Variants in MAML3 observed in about 807,000 individuals in gnomAD.
MAML3 encodes mastermind-like protein 3.
In MAML3, 27 loss-of-function variants were observed where a neutral mutation model predicts 101.9. The ratio of observed to expected loss-of-function variants is 0.27; its 90% confidence interval spans 0.20 to 0.37. The LOEUF (loss-of-function observed/expected upper bound fraction) is 0.37, where lower values mean the gene tolerates loss of function less well. Ranked by LOEUF, MAML3 falls within the 10% of genes least tolerant of loss-of-function variation. The pLI is 1.00. For missense variants in MAML3, 1,316 were observed against 1,444.9 expected (o/e 0.91, Z 1.45); for synonymous variants, 501 against 555.9 (o/e 0.90, Z 1.39).
chr4:140,124,556 C>T (rs2111030326), intron 1 of MAML3, among the ~76,000 whole-genome samples: 1 of 152,220 alleles, frequency 6.6e-6, no homozygotes, highest in East Asian at 1.9e-4. Context: ...ACAAGTTACC[C>T]CCAAAAGCAC....
At chr4:139,987,817 C>T (rs780072553) in intron 1 of MAML3, among the ~76,000 whole-genome samples, 1 of 151,746 alleles carries the variant, frequency 6.6e-6, no homozygotes, top group Non-Finnish European at 1.5e-5. Flanking sequence ...GTCAGGAGTT[C>T]GAGACCAGCC....
intron 1 of MAML3, among the ~76,000 whole-genome samples, chr4:140,019,834 T>A (rs931661016): frequency 6.6e-6 from 1 of 152,212 alleles, no homozygotes; most frequent in African/African-American, 2.4e-5. Flanking sequence ...GTGCCTTTAA[T>A]ACAATATTTA....
At chr4:140,129,041 C>T (rs1416635521) in intron 1 of MAML3, among the ~76,000 whole-genome samples, 2 of 152,006 alleles carry the variant, frequency 1.3e-5, no homozygotes, top group Non-Finnish European at 2.9e-5. Context: ...GGTTTGAATC[C>T]CTGTTCCACC....
chr4:140,027,197 A>G (rs572668146), intron 1 of MAML3, among the ~76,000 whole-genome samples: 1 of 152,308 alleles, frequency 6.6e-6, no homozygotes, highest in Non-Finnish European at 1.5e-5. Context: ...TTGGTAGCCC[A>G]TGGCATTATC....
intron 1 of MAML3, among the ~76,000 whole-genome samples, chr4:139,926,134 T>G (rs1000349233): frequency 4.6e-5 from 7 of 152,156 alleles, no homozygotes; most frequent in Non-Finnish European, 8.8e-5. Context: ...TCTGTTTATT[T>G]GACCTGAAGG....
At chr4:139,894,928 G>A (rs1374255294) in intron 1 of MAML3, among the ~76,000 whole-genome samples, 1 of 152,204 alleles carries the variant, frequency 6.6e-6, no homozygotes, top group Non-Finnish European at 1.5e-5. Context: ...GCACCTCCTG[G>A]AGTGATGTTA....
intron 1 of MAML3, among the ~76,000 whole-genome samples, chr4:140,117,805 T>A (rs1728540196): frequency 6.6e-6 from 1 of 151,952 alleles, no homozygotes. Context: ...TTAATAAAAT[T>A]ACAAAAACAT....
intron 1 of MAML3, among the ~76,000 whole-genome samples, chr4:140,082,641 G>A (rs1205717279): frequency 1.3e-5 from 2 of 152,132 alleles, no homozygotes; most frequent in Non-Finnish European, 2.9e-5. Flanking sequence ...ATTGCTGTCA[G>A]GAAGTAAAAG....
intron 2 of MAML3, among the ~76,000 whole-genome samples, chr4:139,818,081 G>C (rs1018893475): frequency 1.6e-4 from 25 of 152,194 alleles, no homozygotes; most frequent in African/African-American, 5.3e-4. Flanking sequence ...GTAGGCCTGA[G>C]GTGGGACCTG....
chr4:140,025,679 C>A (rs1217463914), intron 1 of MAML3, among the ~76,000 whole-genome samples: 1 of 152,132 alleles, frequency 6.6e-6, no homozygotes, highest in South Asian at 2.1e-4. Flanking sequence ...AGCCACGGTG[C>A]CAACATTGTT....
intron 1 of MAML3, among the ~76,000 whole-genome samples, chr4:139,926,069 A>T (rs991076893): frequency 6.6e-6 from 1 of 152,208 alleles, no homozygotes; most frequent in Non-Finnish European, 1.5e-5. Context: ...GAGGATTCAG[A>T]CAGAGCTGTA....
At position 140,026,076 on chromosome 4, in the gene MAML3, A is replaced by G. The variant is rs1726818405; in HGVS notation, c.468+126784T>C. On this transcript the variant is annotated intron_variant, in intron 1 of 4. Transcript: ENST00000509479. ...TGCTTAACATACGTCAATCTTCAAG[A>G]CAACTAATATCCCTTAATGATTAGG... is the stretch of plus-strand genomic sequence containing the variant. 1.3e-5 allele frequency among the ~76,000 whole-genome samples: 2 copies of G among 152,156 alleles called. 1 individual carries two copies. Among genetic ancestry groups the G allele is most frequent in the South Asian group, 4.1e-4 (2 of 4,820 alleles).
chr4:140,093,838 G>A (rs967116644), intron 1 of MAML3, among the ~76,000 whole-genome samples: 3 of 152,154 alleles, frequency 2.0e-5, no homozygotes, highest in Non-Finnish European at 4.4e-5. Flanking sequence ...TCCCATGATT[G>A]TAGAGGCAGC....
chr4:140,000,673 G>T (rs1454828565), intron 1 of MAML3, among the ~76,000 whole-genome samples: 3 of 152,144 alleles, frequency 2.0e-5, no homozygotes, highest in African/African-American at 7.2e-5. Context: ...ACGGGACAAA[G>T]ATTGGCTCAA....
Position 139,890,704 on chromosome 4 carries a change from A to T in MAML3, c.732T>A (p.Ser244Arg), listed in dbSNP as rs772202392. 5 of 1,613,888 alleles carry T rather than the reference A, an allele frequency of 3.1e-6. No homozygotes were observed. In the African/African-American group the frequency reaches 4.0e-5, roughly 13 times the overall value. ...THTPGLLEDL[S>R]KNGRLPEIKL... ...TAATCTCAGGGAGCCTACCATTCTT[A>T]CTTAGATCTTCTAGAAGCCCAGGAG... Residue 244 changes from serine (S) to arginine (R), a missense_variant, in exon 2 of 5, where the codon AGT becomes AGA. By Grantham distance (110) the Ser-to-Arg change is moderately radical (BLOSUM62 -1). Transcript: ENST00000509479. The surrounding 1 kb of genome is among the most constrained non-coding windows in gnomAD (Gnocchi z 4.1).
chr4:139,848,243 CTG>C (rs745825222), intron 2 of MAML3, among the ~76,000 whole-genome samples: 1 of 152,200 alleles, frequency 6.6e-6, no homozygotes, highest in Non-Finnish European at 1.5e-5. Context: ...GGATGGATGT[CTG>C]TGTGTGTGCA....
At chr4:139,832,541 C>G (rs1035752058) in intron 2 of MAML3, among the ~76,000 whole-genome samples, 1 of 152,088 alleles carries the variant, frequency 6.6e-6, no homozygotes, top group Admixed American at 6.5e-5. Flanking sequence ...AGTGAAGCAC[C>G]GTCCACCTTT....
chr4:139,741,487 C>T (rs1466201339), intron 2 of MAML3, among the ~76,000 whole-genome samples: 2 of 152,222 alleles, frequency 1.3e-5, no homozygotes, highest in Admixed American at 1.3e-4. Context: ...CGTGGTGGCT[C>T]ATGCCTGTAA....
At chr4:140,007,843 G>A (rs1726476372) in intron 1 of MAML3, among the ~76,000 whole-genome samples, 1 of 152,156 alleles carries the variant, frequency 6.6e-6, no homozygotes, top group Admixed American at 6.5e-5. Flanking sequence ...CTCTTGCACT[G>A]AAACCTCCTG....
Sources: gnomAD v4.1 joint callset for allele counts (sites outside exome capture counted in the v4.1 genomes callset) on GRCh38, gnomAD v4.1.1 for gene constraint, Gnocchi (gnomAD v3.1) non-coding constraint, MANE v1.5 for transcripts, NCBI Gene and HGNC (gene_info 2026-07-23, HGNC 2026-07-21) for gene names.